Variants in MGST2 observed in about 807,000 individuals in gnomAD.
The protein encoded by MGST2 is glutathione peroxidase MGST2.
Under a neutral mutation model 16.6 loss-of-function variants are expected in MGST2, and 9 were observed. The ratio of observed to expected loss-of-function variants is 0.54; its 90% CI spans 0.33 to 0.95. The LOEUF (loss-of-function observed/expected upper bound fraction) is 0.95. Among genes scored for constraint, MGST2 ranks in the 40% least tolerant of loss-of-function variants. MGST2 has a pLI of 0.03. For synonymous variants in MGST2, 79 were observed against 68.0 expected, an observed-to-expected ratio of 1.16 and a Z score of -0.79; for missense variants, 159 against 175.1, an observed-to-expected ratio of 0.91 and a Z score of 0.52.
chr4:139,750,531 G>GTTACTGAT, the MGST2 span, among the ~76,000 whole-genome samples: 1 of 152,158 alleles, frequency 6.6e-6, no homozygotes, highest in African/African-American at 2.4e-5. Context: ...GAATTTGAGA[G>GTTACTGAT]TTACTGATTG....
intron 2 of MGST2, among the ~76,000 whole-genome samples, chr4:139,688,140 C>T (rs910197675): frequency 2.0e-5 from 3 of 152,184 alleles, no homozygotes; most frequent in African/African-American, 7.2e-5. Flanking sequence ...GACCTCACTC[C>T]TTTTCATGTG....
intron 5 of MGST2, among the ~76,000 whole-genome samples, chr4:139,727,459 C>T (rs2110978234): frequency 6.6e-6 from 1 of 152,324 alleles, no homozygotes. Context: ...CTGTGGGGGA[C>T]TGAGGGTGTA....
At chr4:139,669,115 GA>G (rs1730528946) in intron 1 of MGST2, among the ~76,000 whole-genome samples, 1 of 152,164 alleles carries the variant, frequency 6.6e-6, no homozygotes, top group African/African-American at 2.4e-5. Flanking sequence ...AGGATATAAT[GA>G]GGCACATCTG....
At chr4:139,677,162 C>T (rs1731003262) in intron 1 of MGST2, among the ~76,000 whole-genome samples, 1 of 152,068 alleles carries the variant, frequency 6.6e-6, no homozygotes, top group Non-Finnish European at 1.5e-5. Context: ...TTCTGTGAAC[C>T]CAAAATATCT....
downstream of MGST2, among the ~76,000 whole-genome samples, chr4:139,708,379 G>A (rs1727601321): frequency 6.6e-6 from 1 of 152,284 alleles, no homozygotes; most frequent in South Asian, 2.1e-4. Context: ...TTGTAGATAT[G>A]CGGCATTATT....
At chr4:139,722,083 T>C (rs1022711128) in intron 5 of MGST2, among the ~76,000 whole-genome samples, 3 of 152,298 alleles carry the variant, frequency 2.0e-5, no homozygotes. Flanking sequence ...CATTTTGGGG[T>C]ATATTTATAA....
intron 5 of MGST2, among the ~76,000 whole-genome samples, chr4:139,709,682 A>G (rs1727667142): frequency 6.6e-6 from 1 of 152,242 alleles, no homozygotes; most frequent in East Asian, 1.9e-4. Flanking sequence ...TTTATAATAA[A>G]GAGTTAAAGG....
chr4:139,732,563 G>C (rs930893854), intron 5 of MGST2, among the ~76,000 whole-genome samples: 1 of 115,160 alleles, frequency 8.7e-6, no homozygotes, highest in African/African-American at 3.4e-5. Context: ...AGAACTAGCA[G>C]AACTAGAACG....
intron 2 of MGST2, among the ~76,000 whole-genome samples, chr4:139,690,694 T>C (rs1452273264): frequency 6.6e-5 from 10 of 152,176 alleles, no homozygotes; most frequent in Non-Finnish European, 1.5e-4. Context: ...GTTTGGAGAC[T>C]AGTGTTGAAG....
rs191848729 is a variant in MGST2 at position 139,722,453 on chromosome 4, A to G, written c.*49-17759A>G. On this transcript the variant is annotated intron_variant, in intron 5 of 5. Coordinates refer to the MGST2 transcript ENST00000616265. ...GATTACTACATGTGTTAAACAACAGATTATGTTTTCTTTTTCTTTTTTTGG... is the reference window on the plus strand; with the variant it reads ...GATTACTACATGTGTTAAACAACAGGTTATGTTTTCTTTTTCTTTTTTTGG... Among the ~76,000 whole-genome samples the G allele has an allele frequency of 6.6e-5, 10 of 152,292 alleles. No individual in the cohort carries two copies. In the East Asian group the frequency reaches 1.9e-3, roughly 29 times the overall value.
Position 139,735,120 on chromosome 4 carries a change from A to C in MGST2, c.*49-5092A>C. On this transcript the variant is annotated intron_variant, in intron 5 of 5. Coordinates refer to the MGST2 transcript ENST00000616265. This position sits in a 1 kb window ranked among gnomAD's most constrained non-coding sequence, Gnocchi z 5.8. ...GGGCGAGCGCTGCGAACGTGGAGCC[A>C]GGCAGTCAAGTGTTACTGCGTACAG... Among the ~76,000 whole-genome samples, 1 of 152,208 alleles carries C rather than the reference A, an allele frequency of 6.6e-6. No individual in the cohort carries two copies.
chr4:139,678,331 G>A (rs1041817353), intron 1 of MGST2, among the ~76,000 whole-genome samples: 1 of 152,140 alleles, frequency 6.6e-6, no homozygotes, highest in Non-Finnish European at 1.5e-5. Flanking sequence ...TTTTCAAAGT[G>A]GTTGTACCGT....
chr4:139,709,323 T>C (rs1427643719), intron 5 of MGST2, among the ~76,000 whole-genome samples: 1 of 152,002 alleles, frequency 6.6e-6, no homozygotes, highest in Non-Finnish European at 1.5e-5. Context: ...GACCTCATGA[T>C]CCGCCCACCT....
At position 139,709,466 on chromosome 4, in the gene MGST2, A is replaced by G. The variant is rs527704225; in HGVS notation, c.*48+5270A>G. ...TAATTGTGTTAGGTGTGATAATTAT[A>G]TCGTGGCTAGAGAAGAGAATGCCCT... On this transcript the variant is annotated intron_variant, in intron 5 of 5. Coordinates refer to the MGST2 transcript ENST00000616265. Among the ~76,000 whole-genome samples, 5 of 152,298 alleles carry G rather than the reference A, an allele frequency of 3.3e-5. No homozygotes were observed. In the South Asian group the frequency reaches 1.0e-3, roughly 32 times the overall value.
chr4:139,725,586 T>C (rs1728435204), intron 5 of MGST2, among the ~76,000 whole-genome samples: 1 of 152,226 alleles, frequency 6.6e-6, no homozygotes, highest in South Asian at 2.1e-4. Context: ...AGGAGGCCTC[T>C]AGGAATCCAT....
intron 1 of MGST2, among the ~76,000 whole-genome samples, 170 bp downstream of exon 1, chr4:139,666,247 C>T (rs1296453990): frequency 6.6e-6 from 1 of 152,012 alleles, no homozygotes; most frequent in Non-Finnish European, 1.5e-5. Context: ...CAGGGTCACC[C>T]ATGCCGCCTG....
chr4:139,675,521 G>A (rs1366083161), intron 1 of MGST2, among the ~76,000 whole-genome samples: 1 of 152,202 alleles, frequency 6.6e-6, no homozygotes, highest in African/African-American at 2.4e-5. Flanking sequence ...GGGAAACGTC[G>A]GCAGGTAGGA....
Position 139,692,909 on chromosome 4 carries a change from G to A in MGST2, c.159-2288G>A, listed in dbSNP as rs184204258. ...TCTTTGTCCCCAGATGCCAAGCCAA[G>A]GCCACTAGAAAAACCTCTAAATAAT... is the stretch of plus-strand genomic sequence containing the variant. On this transcript the variant is annotated intron_variant, in intron 2 of 4. Coordinates refer to ENST00000265498, the MANE Select transcript of MGST2 (RefSeq NM_002413.5). 1.2e-3 allele frequency among the ~76,000 whole-genome samples: 183 copies of A among 152,266 alleles called. 1 individual carries two copies. The highest frequency in any genetic ancestry group is 4.3e-3 in the African/African-American group (177 of 41,552).
At chr4:139,734,394 A>G (rs918457030) in intron 5 of MGST2, among the ~76,000 whole-genome samples, 2 of 152,054 alleles carry the variant, frequency 1.3e-5, no homozygotes, top group African/African-American at 4.8e-5. Flanking sequence ...TCTCCAATCC[A>G]CTCCTTGCCC....
Sources: allele counts gnomAD v4.1 joint callset (sites outside exome capture counted in the v4.1 genomes callset), GRCh38; gene constraint gnomAD v4.1.1; non-coding constraint Gnocchi (gnomAD v3.1); transcripts MANE v1.5; gene names NCBI Gene and HGNC (gene_info 2026-07-23, HGNC 2026-07-21).